Variants in EYS observed in about 807,000 individuals in gnomAD.
The protein encoded by EYS is EGF-like photoreceptor maintenance factor.
A neutral mutation model predicts 282.1 loss-of-function variants in EYS; 250 were observed. That is an observed-to-expected ratio of 0.89 (90% CI 0.80 to 0.98). The LOEUF (loss-of-function observed/expected upper bound fraction) is 0.98. Ranked by LOEUF, EYS falls within the 50% of genes least tolerant of loss-of-function variation. The probability of loss-of-function intolerance (pLI) is 0.00; values close to 1 mark genes in which losing one functional copy is unlikely to be tolerated. For missense variants in EYS, 4,016 were observed against 3,709.0 expected, an observed-to-expected ratio of 1.08 and a Z score of -2.15; for synonymous variants, 1,355 against 1,282.9, an observed-to-expected ratio of 1.06 and a Z score of -1.20.
chr6:64,703,016 T>C (rs1292632523), intron 22 of EYS, among the ~76,000 whole-genome samples: 1 of 151,976 alleles, frequency 6.6e-6, no homozygotes, highest in East Asian at 1.9e-4. Flanking sequence ...GATTAAACAA[T>C]TTTTTTCACA....
At chr6:64,912,995 C>T (rs1768048243) in intron 15 of EYS, among the ~76,000 whole-genome samples, 1 of 152,014 alleles carries the variant, frequency 6.6e-6, no homozygotes, top group Non-Finnish European at 1.5e-5. Context: ...CATAGTTAGG[C>T]CTCTGAGACA....
intron 15 of EYS, among the ~76,000 whole-genome samples, chr6:64,917,119 C>A (rs1321120245): frequency 6.6e-6 from 1 of 152,070 alleles, no homozygotes; most frequent in Non-Finnish European, 1.5e-5. Context: ...CGTGGCAGCA[C>A]GCGCCTGTAG....
intron 8 of EYS, 26 bp downstream of exon 8, chr6:65,384,360 A>T: frequency 7.7e-7 from 1 of 1,291,994 alleles, no homozygotes; most frequent in Non-Finnish European, 1.1e-6. Context: ...GGGCTAACTT[A>T]TGTTGCCATG....
At chr6:64,600,320 G>A (rs79360406) in intron 24 of EYS, among the ~76,000 whole-genome samples, 2 of 151,760 alleles carry the variant, frequency 1.3e-5, no homozygotes, top group Admixed American at 1.3e-4. Flanking sequence ...AGATACATAG[G>A]ATATTTCTCT....
At chr6:64,910,425 C>T (rs185201062) in intron 16 of EYS, among the ~76,000 whole-genome samples, 38 of 152,172 alleles carry the variant, frequency 2.5e-4, no homozygotes, top group African/African-American at 8.7e-4. Flanking sequence ...CACGTTATTA[C>T]AGTATTCAGA....
chr6:64,670,573 A>G (rs1303282028), intron 22 of EYS, among the ~76,000 whole-genome samples: 1 of 152,118 alleles, frequency 6.6e-6, no homozygotes, highest in Non-Finnish European at 1.5e-5. Flanking sequence ...AGTATGAGAC[A>G]TTTTGCATTT....
chr6:64,176,229 A>AT (rs992936084), intron 31 of EYS, among the ~76,000 whole-genome samples: 2 of 152,018 alleles, frequency 1.3e-5, no homozygotes, highest in South Asian at 2.1e-4. Flanking sequence ...CAAATATTTC[A>AT]TTTTTTACTC....
chr6:65,291,581 C>CTTAA (rs1768527571), intron 12 of EYS, among the ~76,000 whole-genome samples: 1 of 151,394 alleles, frequency 6.6e-6, no homozygotes, highest in African/African-American at 2.4e-5. Context: ...CACTGTTAAC[C>CTTAA]TTTCATAAGG....
chr6:65,270,472 G>A (rs1032684588), intron 12 of EYS, among the ~76,000 whole-genome samples: 1 of 152,086 alleles, frequency 6.6e-6, no homozygotes, highest in Non-Finnish European at 1.5e-5. Context: ...GCAACGTGAA[G>A]TCCCCAACAC....
At chr6:64,568,850 G>T (rs1765634663) in intron 26 of EYS, among the ~76,000 whole-genome samples, 1 of 152,002 alleles carries the variant, frequency 6.6e-6, no homozygotes, top group South Asian at 2.1e-4. Context: ...GGTCTGGAGT[G>T]GACCTCCAGC....
At chr6:64,896,064 G>A (rs1583271190) in intron 18 of EYS, among the ~76,000 whole-genome samples, 1 of 151,874 alleles carries the variant, frequency 6.6e-6, no homozygotes, top group East Asian at 1.9e-4. Flanking sequence ...AACTAACAAA[G>A]ATATTTTAAA....
At chr6:65,519,830 C>T (rs972677902) in intron 2 of EYS, among the ~76,000 whole-genome samples, 1 of 146,624 alleles carries the variant, frequency 6.8e-6, no homozygotes, top group African/African-American at 2.5e-5. Context: ...GATCCTCCCA[C>T]CTCAACCTCC....
chr6:64,784,321 T>G (rs1773952216), intron 22 of EYS, among the ~76,000 whole-genome samples: 1 of 152,162 alleles, frequency 6.6e-6, no homozygotes, highest in Non-Finnish European at 1.5e-5. Flanking sequence ...TTGTATATAC[T>G]TTATATATAT....
chr6:65,627,379 C>G (rs1766742174), intron 2 of EYS, among the ~76,000 whole-genome samples: 1 of 152,156 alleles, frequency 6.6e-6, no homozygotes, highest in South Asian at 2.1e-4. Flanking sequence ...GTCCTCACAT[C>G]CCTCGCTCGC....
At chr6:64,032,958 C>A (rs1486973938) in intron 33 of EYS, among the ~76,000 whole-genome samples, 1 of 152,142 alleles carries the variant, frequency 6.6e-6, no homozygotes, top group Non-Finnish European at 1.5e-5. Flanking sequence ...ACTCACTCCC[C>A]AGCCACTCTC....
intron 31 of EYS, among the ~76,000 whole-genome samples, chr6:64,219,677 A>G (rs1766034599): frequency 6.6e-6 from 1 of 152,186 alleles, no homozygotes; most frequent in Non-Finnish European, 1.5e-5. Flanking sequence ...CTATTTCTCC[A>G]TATCCTCTCC....
intron 5 of EYS, among the ~76,000 whole-genome samples, chr6:65,433,664 A>C (rs1767962607): frequency 6.6e-6 from 1 of 152,212 alleles, no homozygotes; most frequent in African/African-American, 2.4e-5. Flanking sequence ...AAGGCAAAAT[A>C]GAAATATTTC....
intron 26 of EYS, among the ~76,000 whole-genome samples, chr6:64,564,552 A>T (rs1045150241): frequency 1.3e-5 from 2 of 151,940 alleles, no homozygotes; most frequent in African/African-American, 4.8e-5. Context: ...AAGTGCTGGG[A>T]TTACAGGCGT....
intron 31 of EYS, among the ~76,000 whole-genome samples, chr6:64,155,332 T>C (rs1311935771): frequency 6.8e-6 from 1 of 147,288 alleles, no homozygotes; most frequent in Non-Finnish European, 1.5e-5. Flanking sequence ...CAGCACAGCA[T>C]AGCAGCACAT....
Sources: gnomAD v4.1 joint callset for allele counts (sites outside exome capture counted in the v4.1 genomes callset) on GRCh38, gnomAD v4.1.1 for gene constraint, MANE v1.5 for transcripts, NCBI Gene and HGNC (gene_info 2026-07-23, HGNC 2026-07-21) for gene names.